Variants in PCDH11X observed in about 807,000 individuals in gnomAD.
PCDH11X encodes protocadherin 11 X-linked.
A neutral mutation model predicts 53.3 loss-of-function variants in PCDH11X; 18 were observed. The observed-to-expected ratio is 0.34, with a 90% CI of 0.23 to 0.50. The LOEUF (loss-of-function observed/expected upper bound fraction) is 0.50, where lower values mean the gene tolerates loss of function less well. Ranked by LOEUF, PCDH11X falls within the 20% of genes least tolerant of loss-of-function variation. The pLI, the probability that PCDH11X is intolerant of heterozygous loss-of-function variation, is 0.98. For synonymous variants in PCDH11X, 279 were observed against 393.3 expected, an observed-to-expected ratio of 0.71 and a Z score of 3.44; for missense variants, 570 against 1,032.4, an observed-to-expected ratio of 0.55 and a Z score of 6.14.
intron 6 of PCDH11X, among the ~76,000 whole-genome samples, chrX:92,164,572 A>T (rs34419476): frequency 3.6e-5 from 4 of 112,449 alleles, no homozygotes; most frequent in African/African-American, 9.7e-5. Context: ...GAATAAAATT[A>T]AAAACAAAGG....
chrX:91,897,031 G>A (rs1940777441), intron 6 of PCDH11X, among the ~76,000 whole-genome samples: 1 of 103,987 alleles, frequency 9.6e-6, no homozygotes, highest in South Asian at 4.3e-4. Context: ...CATAAAGTTG[G>A]CAAGCACTAC....
intron 5 of PCDH11X, among the ~76,000 whole-genome samples, chrX:91,841,245 T>C (rs1272374767): frequency 8.9e-6 from 1 of 111,890 alleles, no homozygotes; most frequent in African/African-American, 3.2e-5. Context: ...TCATTACTAT[T>C]ATCAGAGTCT....
intron 8 of PCDH11X, among the ~76,000 whole-genome samples, chrX:92,321,194 GT>G (rs1413774808): frequency 0.027 from 2,058 of 76,896 alleles, 57 homozygotes; most frequent in African/African-American, 0.098. Context: ...GTTTTTTTTT[GT>G]TTTTTTTTTT....
At position 91,892,001 on chromosome X, in the gene PCDH11X, ATAAT is replaced by A. The variant is rs1041826600; in HGVS notation, c.3033+12731_3033+12734del. ...ATATAAAATTTCAGTGTTTACTATA[ATAAT>A]TAGAGGGGTGTGTGTGTGTGTGTGT... On this transcript the variant is annotated intron_variant, in intron 6 of 10. Coordinates refer to ENST00000682573, the MANE Select transcript of PCDH11X (RefSeq NM_032968.5). Among the ~76,000 whole-genome samples the A allele has an allele frequency of 4.2e-3, 347 of 83,291 alleles. 3 individuals carry two copies. Among genetic ancestry groups the A allele is most frequent in the Non-Finnish European group, 6.4e-3 (281 of 43,790 alleles). 72.3% of individuals were successfully genotyped at this position (83,291 alleles called of 115,157 possible).
At chrX:92,603,235 G>A (rs1926427598) in intron 10 of PCDH11X, among the ~76,000 whole-genome samples, 1 of 104,765 alleles carries the variant, frequency 9.5e-6, no homozygotes, top group Non-Finnish European at 2.0e-5. Context: ...AAGAAAAAGA[G>A]AGAAAAAAGA....
chrX:91,896,035 T>A (rs1940741770), intron 6 of PCDH11X, among the ~76,000 whole-genome samples: 2 of 106,047 alleles, frequency 1.9e-5, no homozygotes, highest in Middle Eastern at 5.1e-3. Context: ...TATGTCCCAA[T>A]TTGAAAAAGA....
intron 9 of PCDH11X, among the ~76,000 whole-genome samples, chrX:92,435,760 G>A (rs918961432): frequency 9.9e-5 from 11 of 111,256 alleles, no homozygotes; most frequent in Non-Finnish European, 2.1e-4. Flanking sequence ...ATTACCACCA[G>A]ACCTGTCTTA....
chrX:92,185,557 A>G (rs1202428704), intron 6 of PCDH11X, among the ~76,000 whole-genome samples: 1 of 111,709 alleles, frequency 9.0e-6, no homozygotes, highest in African/African-American at 3.2e-5. Flanking sequence ...GAAACAATCA[A>G]CAGAGTGAAG....
intron 10 of PCDH11X, among the ~76,000 whole-genome samples, chrX:92,476,336 T>C (rs1221885907): frequency 1.8e-5 from 2 of 111,123 alleles, no homozygotes; most frequent in African/African-American, 3.3e-5. Context: ...CAAAGACTCT[T>C]ATGCATTCTT....
chrX:92,506,125 T>C lies in PCDH11X; in HGVS notation c.3367+37803T>C, dbSNP rs140220383. 3.4e-3 allele frequency among the ~76,000 whole-genome samples: 378 copies of C among 110,481 alleles called. 2 individuals carry two copies. The highest frequency in any genetic ancestry group is 0.012 in the African/African-American group (364 of 30,433). On this transcript the variant is annotated intron_variant, in intron 10 of 10. Transcript: ENST00000682573. ...ATCTGTGAACATAAATAGTTTGAATTAATGTTTGGATAAACATACATTCTT... is the reference window on the plus strand; with the variant it reads ...ATCTGTGAACATAAATAGTTTGAATCAATGTTTGGATAAACATACATTCTT...
At chrX:92,193,029 A>C (rs766294258) in intron 6 of PCDH11X, among the ~76,000 whole-genome samples, 84 of 112,131 alleles carry the variant, frequency 7.5e-4, no homozygotes, top group Non-Finnish European at 1.2e-3. Flanking sequence ...GTGAGCCACC[A>C]TGCCTGGCCC....
intron 6 of PCDH11X, among the ~76,000 whole-genome samples, chrX:92,103,294 G>T (rs925019435): frequency 2.7e-5 from 3 of 110,809 alleles, no homozygotes; most frequent in Non-Finnish European, 5.7e-5. Context: ...CACCAGAGTG[G>T]GGGGAGTTTT....
chrX:92,229,927 T>A (rs937561168), intron 7 of PCDH11X, among the ~76,000 whole-genome samples: 2 of 110,757 alleles, frequency 1.8e-5, no homozygotes, highest in Non-Finnish European at 3.8e-5. Flanking sequence ...AAAAGGCCCC[T>A]AATAAAACCA....
chrX:92,594,959 C>A (rs1179854863), intron 10 of PCDH11X, among the ~76,000 whole-genome samples: 1 of 108,214 alleles, frequency 9.2e-6, no homozygotes, highest in Admixed American at 1.0e-4. Flanking sequence ...AAGCATATTT[C>A]TCTCTCCCTG....
chrX:91,907,061 A>AT (rs1556332592), intron 6 of PCDH11X, among the ~76,000 whole-genome samples: 1 of 108,646 alleles, frequency 9.2e-6, no homozygotes. Context: ...ATTTTAGGTA[A>AT]CTGCCAACTT....
chrX:91,804,971 G>T (rs1416038493), intron 1 of PCDH11X, among the ~76,000 whole-genome samples: 2 of 100,811 alleles, frequency 2.0e-5, no homozygotes, highest in South Asian at 1.0e-3. Context: ...TTCCATTTAT[G>T]ATAACTGAAG....
chrX:92,112,591 T>C (rs1222391117), intron 6 of PCDH11X, among the ~76,000 whole-genome samples: 1 of 109,849 alleles, frequency 9.1e-6, no homozygotes, highest in Non-Finnish European at 1.9e-5. Flanking sequence ...TTTGATATCA[T>C]TGTGTTGTTT....
intron 10 of PCDH11X, among the ~76,000 whole-genome samples, chrX:92,532,133 T>C (rs1340054144): frequency 2.7e-5 from 3 of 111,687 alleles, no homozygotes; most frequent in East Asian, 5.7e-4. Flanking sequence ...TGTATTAAGT[T>C]TGGCTTCTGA....
rs2062829896 is a variant in PCDH11X, at chrX:92,018,310, TATA to T, written c.3033+139039_3033+139041del. ...AATAATGATAATTTAAGAAAATAGT[TATA>T]AGAACAAAAAATCAATATTAACATC... On this transcript the variant is annotated intron_variant, in intron 6 of 10. Coordinates refer to ENST00000682573, the MANE Select transcript of PCDH11X (RefSeq NM_032968.5). Among the ~76,000 whole-genome samples, 3 of 112,138 alleles carry T rather than the reference TATA, an allele frequency of 2.7e-5. No individual in the cohort carries two copies. The South Asian group carries it at 1.1e-3, about 41-fold the overall frequency.
Sources: gnomAD v4.1 joint callset for allele counts (sites outside exome capture counted in the v4.1 genomes callset) on GRCh38, gnomAD v4.1.1 for gene constraint, MANE v1.5 for transcripts, NCBI Gene and HGNC (gene_info 2026-07-23, HGNC 2026-07-21) for gene names.